Variants in MCPH1 observed in about 807,000 individuals in gnomAD.
The protein encoded by MCPH1 is microcephalin 1.
In MCPH1, 104 loss-of-function variants were observed where a neutral mutation model predicts 84.5. That is an observed-to-expected ratio of 1.23 (90% confidence interval 1.05 to 1.45). MCPH1 has a LOEUF of 1.45. MCPH1 is among the 40% of genes most tolerant of loss of function. MCPH1 has a pLI of 0.00. For missense variants in MCPH1, 1,498 were observed against 1,005.7 expected (o/e 1.49, Z -6.62); for synonymous variants, 514 against 366.8 (o/e 1.40, Z -4.58).
intron 12 of MCPH1, among the ~76,000 whole-genome samples, chr8:6,576,682 A>ATTGTTTTTT (rs1827139392): frequency 2.4e-5 from 1 of 42,348 alleles, no homozygotes; most frequent in Non-Finnish European, 5.3e-5. Context: ...TAATTTTTGT[A>ATTGTTTTTT]TTTTTTTTTT....
chr8:6,520,477 C>T (rs1332495039), intron 12 of MCPH1, among the ~76,000 whole-genome samples: 1 of 152,122 alleles, frequency 6.6e-6, no homozygotes, highest in East Asian at 1.9e-4. Flanking sequence ...CTTACCGCAT[C>T]CTCCTCCTCC....
rs34536263 is a variant in MCPH1, at chr8:6,426,825, G to GT, written c.234-4664dup. ...AGCAGATGTGTAGTGGTATTTCATG[G>GT]TTTTTTTTTTCCCAACATTGTTTTA... On this transcript the variant is annotated intron_variant, in intron 3 of 13. Coordinates refer to ENST00000344683, the MANE Select transcript of MCPH1 (RefSeq NM_024596.5). 5.9e-3 allele frequency among the ~76,000 whole-genome samples: 884 copies of GT among 149,248 alleles called. 10 individuals are homozygous for GT. Among genetic ancestry groups the GT allele is most frequent in the African/African-American group, 0.018 (740 of 40,778 alleles).
intron 12 of MCPH1, among the ~76,000 whole-genome samples, chr8:6,612,921 G>A (rs1830412997): frequency 6.6e-6 from 1 of 152,242 alleles, no homozygotes; most frequent in Admixed American, 6.5e-5. Flanking sequence ...AAGAGGGAAG[G>A]GGTTTGCAGG....
chr8:6,600,190 G>T (rs1829248339), intron 12 of MCPH1, among the ~76,000 whole-genome samples: 1 of 152,240 alleles, frequency 6.6e-6, no homozygotes, highest in Admixed American at 6.5e-5. Context: ...TGTCAAATCT[G>T]CAAAACCTAC....
chr8:6,621,939 GC>G (rs746345817), intron 13 of MCPH1, among the ~76,000 whole-genome samples: 5 of 152,142 alleles, frequency 3.3e-5, no homozygotes, highest in Non-Finnish European at 5.9e-5. Flanking sequence ...GACTTCCCTG[GC>G]TCGTGTGAAA....
At chr8:6,621,422 C>A (rs760600271) in intron 12 of MCPH1, 32 bp from the exon 13 acceptor site, 4 of 1,612,834 alleles carry the variant, frequency 2.5e-6, no homozygotes, top group Non-Finnish European at 8.5e-7. Context: ...AGTGGTCCCA[C>A]CTCTGTAATT....
intron 11 of MCPH1, among the ~76,000 whole-genome samples, chr8:6,486,285 TC>T (rs1401147770): frequency 6.6e-6 from 1 of 151,828 alleles, no homozygotes; most frequent in Non-Finnish European, 1.5e-5. Flanking sequence ...TCTCTCTCTC[TC>T]TCTCTCTCTG....
intron 13 of MCPH1, among the ~76,000 whole-genome samples, chr8:6,640,737 C>G (rs542250471): frequency 1.3e-5 from 2 of 152,282 alleles, no homozygotes; most frequent in South Asian, 4.1e-4. Context: ...TGTGGTTTTG[C>G]TTAGAAAGGC....
chr8:6,503,049 G>A lies in MCPH1; in HGVS notation c.2214+3120G>A, dbSNP rs908027910. On this transcript the variant is annotated intron_variant, in intron 12 of 13. Coordinates refer to ENST00000344683, the MANE Select transcript of MCPH1 (RefSeq NM_024596.5). ...GCAGCCGTGACTTTCAGTGCACTGG[G>A]CTTAAGTCTTTGAAAATAGTTCGAG... 10 of 1,604,840 alleles carry A rather than the reference G, an allele frequency of 6.2e-6. No homozygotes were observed. The African/African-American group carries it at 9.4e-5, about 15-fold the overall frequency.
At chr8:6,417,000 G>A (rs1045608661) in intron 3 of MCPH1, among the ~76,000 whole-genome samples, 12 of 151,780 alleles carry the variant, frequency 7.9e-5, no homozygotes, top group African/African-American at 2.7e-4. Flanking sequence ...AAAAAAAAGA[G>A]TAAGGGGTCC....
At chr8:6,627,944 A>T (rs1424524487) in intron 13 of MCPH1, among the ~76,000 whole-genome samples, 13 of 151,892 alleles carry the variant, frequency 8.6e-5, no homozygotes, top group Admixed American at 6.6e-4. Flanking sequence ...AGTGGGTTTT[A>T]AAAAAAATTA....
intron 10 of MCPH1, among the ~76,000 whole-genome samples, chr8:6,479,207 CAGTG>C (rs953585571): frequency 2.9e-4 from 44 of 152,198 alleles, no homozygotes; most frequent in African/African-American, 8.4e-4. Context: ...ATCAAGGATG[CAGTG>C]AGCCATGATT....
At chr8:6,408,801 G>T (rs948231305) in intron 1 of MCPH1, among the ~76,000 whole-genome samples, 1 of 152,022 alleles carries the variant, frequency 6.6e-6, no homozygotes, top group African/African-American at 2.4e-5. Context: ...GTGCCCAAGT[G>T]ATCCCACTGC....
At chr8:6,598,496 C>G (rs1260027370) in intron 12 of MCPH1, among the ~76,000 whole-genome samples, 1 of 152,202 alleles carries the variant, frequency 6.6e-6, no homozygotes, top group Non-Finnish European at 1.5e-5. Context: ...CCAGGCTCCA[C>G]CCGGCCCACC....
chr8:6,523,302 G>A (rs1387833450), intron 12 of MCPH1, among the ~76,000 whole-genome samples: 1 of 151,604 alleles, frequency 6.6e-6, no homozygotes, highest in African/African-American at 2.4e-5. Context: ...TGGCAGAAAA[G>A]CTTTTTAAAA....
At chr8:6,458,424 A>G (rs1805925555) in intron 9 of MCPH1, among the ~76,000 whole-genome samples, 1 of 150,258 alleles carries the variant, frequency 6.7e-6, no homozygotes, top group Admixed American at 6.7e-5. Flanking sequence ...GTGAGCTGAG[A>G]TCGTGCCACT....
chr8:6,576,108 C>T (rs1240875348), intron 12 of MCPH1, among the ~76,000 whole-genome samples: 1 of 151,824 alleles, frequency 6.6e-6, no homozygotes, highest in African/African-American at 2.4e-5. Flanking sequence ...TACCTTGCAG[C>T]CTCCACCAAA....
Position 6,621,560 on chromosome 8 carries a change from A to G in MCPH1, c.2321A>G (p.Lys774Arg). ...VSPASSPPVA[K>R]LCELVHLCGG... ...CCTGCCAGCAGCCCCCCAGTGGCCA[A>G]GCTCTGTGAACTAGTCCACCTGTGC... The change falls in exon 13 of 14, where the codon AAG becomes AGG. Residue 774 changes from lysine (K) to arginine (R), a missense_variant. By Grantham distance (26) the Lys-to-Arg change is conservative. Coordinates refer to ENST00000344683, the MANE Select transcript of MCPH1 (RefSeq NM_024596.5). 6.2e-7 allele frequency: 1 copy of G among 1,614,214 alleles called. No homozygotes were observed. The highest frequency in any genetic ancestry group is 8.5e-7 in the Non-Finnish European group (1 of 1,180,036).
intron 10 of MCPH1, among the ~76,000 whole-genome samples, chr8:6,479,009 A>G (rs1808835079): frequency 6.6e-6 from 1 of 152,240 alleles, no homozygotes; most frequent in South Asian, 2.1e-4. Context: ...TCACGGCTAT[A>G]ATCCCAGCAC....
Sources: allele counts gnomAD v4.1 joint callset (sites outside exome capture counted in the v4.1 genomes callset), GRCh38; gene constraint gnomAD v4.1.1; transcripts MANE v1.5; gene names NCBI Gene and HGNC (gene_info 2026-07-23, HGNC 2026-07-21).